Variants in SPEF2 observed in about 807,000 individuals in gnomAD.
SPEF2 encodes sperm flagella and cilia-associated protein 2.
Under a neutral mutation model 224.6 loss-of-function variants are expected in SPEF2, and 187 were observed. The ratio of observed to expected loss-of-function variants is 0.83; its 90% CI spans 0.74 to 0.94. The LOEUF (loss-of-function observed/expected upper bound fraction) is 0.94. SPEF2 is among the 40% of genes least tolerant of loss of function. The pLI is 0.00. For missense variants in SPEF2, 2,170 were observed against 2,135.6 expected (o/e 1.02, Z -0.32); for synonymous variants, 715 against 707.3 (o/e 1.01, Z -0.17).
chr5:35,628,696 A>T, intron 2 of SPEF2, 134 bp downstream of exon 2: 1 of 596,760 alleles, frequency 1.7e-6, no homozygotes, highest in South Asian at 2.2e-5. Flanking sequence ...GGATAAAGCA[A>T]TCCTCTTGCC....
intron 17 of SPEF2, 126 bp downstream of exon 17, chr5:35,704,788 AAGACTAAGTAGTT>A: frequency 1.5e-6 from 1 of 659,894 alleles, no homozygotes; most frequent in Non-Finnish European, 2.7e-6. Context: ...CAGGTAAAAG[AAGACTAAGTAGTT>A]TTGACAATAA....
chr5:35,697,940 A>T, intron 15 of SPEF2, 147 bp downstream of exon 15: 1 of 553,222 alleles, frequency 1.8e-6, no homozygotes, highest in Non-Finnish European at 3.0e-6. Flanking sequence ...GAAAAGGTAG[A>T]TTTATTTTGT....
chr5:35,792,383 G>C lies in SPEF2; in HGVS notation c.4491G>C (p.Leu1497Phe), dbSNP rs746701814. The C allele has an allele frequency of 2.5e-6, 4 of 1,613,710 alleles. No individual in the cohort carries two copies. Among genetic ancestry groups the C allele is most frequent in the South Asian group, 2.2e-5 (2 of 91,046 alleles). Residue 1497 changes from leucine (L) to phenylalanine (F), a missense_variant, in exon 31 of 37, where the codon TTG becomes TTC. By Grantham distance (22) the Leu-to-Phe change is conservative (BLOSUM62 0). Transcript: ENST00000356031. ...CATTTACTGACATTCTGATCGATTT[G>C]GTGACCCTGAACCTTGGCACAAACA... is the stretch of plus-strand genomic sequence containing the variant. ...NKAFTDILIDLVTLNLGTNNF... is the reference protein window; with the variant it reads ...NKAFTDILIDFVTLNLGTNNF...
chr5:35,715,413 C>T (rs1442983353), intron 20 of SPEF2, among the ~76,000 whole-genome samples: 1 of 151,858 alleles, frequency 6.6e-6, no homozygotes, highest in Non-Finnish European at 1.5e-5. Context: ...CTTAACATAG[C>T]AGTGGAGGTG....
intron 2 of SPEF2, among the ~76,000 whole-genome samples, chr5:35,636,834 G>T (rs1375671906): frequency 1.3e-5 from 2 of 151,892 alleles, no homozygotes; most frequent in African/African-American, 2.4e-5. Context: ...AAATTAGCTG[G>T]GTATGGTGGT....
At chr5:35,726,217 C>G (rs1186908683) in intron 20 of SPEF2, among the ~76,000 whole-genome samples, 1 of 152,176 alleles carries the variant, frequency 6.6e-6, no homozygotes, top group Non-Finnish European at 1.5e-5. Context: ...TATTCCGACT[C>G]TCTCAGTTTT....
chr5:35,724,399 T>A (rs1206521748), intron 20 of SPEF2, among the ~76,000 whole-genome samples: 1 of 152,102 alleles, frequency 6.6e-6, no homozygotes. Flanking sequence ...TACCAGAAAT[T>A]TTCCAAAAAG....
At chr5:35,807,101 G>A in intron 35 of SPEF2, 30 bp from the exon 36 acceptor site, 4 of 1,597,618 alleles carry the variant, frequency 2.5e-6, no homozygotes, top group Non-Finnish European at 3.4e-6. Flanking sequence ...TTGTGAGGTT[G>A]ATTAACTTCA....
At chr5:35,717,777 G>A (rs1209140842) in intron 20 of SPEF2, among the ~76,000 whole-genome samples, 3 of 152,172 alleles carry the variant, frequency 2.0e-5, no homozygotes, top group African/African-American at 7.2e-5. Flanking sequence ...TGGGCAGGCT[G>A]GTTGGAGTTT....
At chr5:35,774,133 G>C (rs1753269404) in intron 28 of SPEF2, 112 bp downstream of exon 28, 4 of 1,383,584 alleles carry the variant, frequency 2.9e-6, no homozygotes, top group Non-Finnish European at 3.9e-6. Context: ...AGAACATACA[G>C]CAAAGAGGTT....
chr5:35,717,919 T>TG (rs1742908163), intron 20 of SPEF2, among the ~76,000 whole-genome samples: 1 of 152,204 alleles, frequency 6.6e-6, no homozygotes, highest in Non-Finnish European at 1.5e-5. Context: ...GGCGCTGTTT[T>TG]GGGGAAATGG....
intron 20 of SPEF2, among the ~76,000 whole-genome samples, chr5:35,725,607 T>C (rs899674120): frequency 6.6e-6 from 1 of 152,204 alleles, no homozygotes; most frequent in Non-Finnish European, 1.5e-5. Context: ...AACTGTTTAC[T>C]TTCTTAGTTG....
intron 9 of SPEF2, 102 bp from the exon 10 acceptor site, chr5:35,669,957 G>C: frequency 1.1e-6 from 1 of 898,492 alleles, no homozygotes; most frequent in Non-Finnish European, 1.7e-6. Context: ...ATTTCTGTCT[G>C]ATGAAAGTGA....
chr5:35,814,521 T>A lies in SPEF2; in HGVS notation c.5437T>A (p.Ser1813Thr). 1 of 1,608,954 alleles carries A rather than the reference T, an allele frequency of 6.2e-7. No individual in the cohort carries two copies. The highest frequency in any genetic ancestry group is 8.5e-7 in the Non-Finnish European group (1 of 1,176,794). The change falls in exon 37 of 37, where the codon TCA becomes ACA. Residue 1813 changes from serine (S) to threonine (T), a missense_variant. Physicochemically the swap from Ser to Thr is moderately conservative, Grantham distance 58. Transcript: ENST00000356031. ...EHVQGSDGERSPSRHTEEKK is the reference protein window; with the variant it reads ...EHVQGSDGERTPSRHTEEKK ...TGTACAAGGAAGTGATGGAGAGAGA[T>A]CACCTTCAAGACATACAGAGGAAAA...
chr5:35,797,171 A>G (rs946391414), intron 33 of SPEF2, among the ~76,000 whole-genome samples: 1 of 152,194 alleles, frequency 6.6e-6, no homozygotes, highest in South Asian at 2.1e-4. Flanking sequence ...GCAGCAAAAC[A>G]GAAAAGGACC....
At chr5:35,619,734 C>A (rs1191161429) in intron 1 of SPEF2, among the ~76,000 whole-genome samples, 1 of 152,018 alleles carries the variant, frequency 6.6e-6, no homozygotes, top group Non-Finnish European at 1.5e-5. Context: ...TTGCTGAAGT[C>A]CCCAGGACTC....
chr5:35,719,766 C>T (rs1332502479), intron 20 of SPEF2, among the ~76,000 whole-genome samples: 1 of 152,068 alleles, frequency 6.6e-6, no homozygotes, highest in African/African-American at 2.4e-5. Context: ...GGATTATAAG[C>T]ACATGCCACC....
intron 3 of SPEF2, chr5:35,643,487 C>T (rs1245593998): frequency 2.2e-6 from 1 of 455,918 alleles, no homozygotes; most frequent in Admixed American, 2.4e-5. Context: ...TATGAGATTG[C>T]TTGTTTTATG....
At chr5:35,795,133 C>G (rs1256273139) in intron 32 of SPEF2, among the ~76,000 whole-genome samples, 1 of 151,976 alleles carries the variant, frequency 6.6e-6, no homozygotes, top group African/African-American at 2.4e-5. Flanking sequence ...AAATGAAGTT[C>G]TAATTGGTGT....
Sources: allele counts gnomAD v4.1 joint callset (sites outside exome capture counted in the v4.1 genomes callset), GRCh38; gene constraint gnomAD v4.1.1; transcripts MANE v1.5; gene names NCBI Gene and HGNC (gene_info 2026-07-23, HGNC 2026-07-21).